Variants in DRICH1 observed in about 807,000 individuals in gnomAD.
The protein encoded by DRICH1 is aspartate rich 1.
Under a neutral mutation model 39.5 loss-of-function variants are expected in DRICH1, and 38 were observed. The observed-to-expected ratio is 0.96, with a 90% CI of 0.74 to 1.26. The LOEUF (loss-of-function observed/expected upper bound fraction) is 1.26, where lower values mean the gene tolerates loss of function less well. Ranked by LOEUF, DRICH1 falls within the 50% of genes most tolerant of loss-of-function variation. The pLI is 0.00. For missense variants in DRICH1, 279 were observed against 270.4 expected (o/e 1.03, Z -0.22); for synonymous variants, 84 against 99.5 (o/e 0.84, Z 0.93).
chr22:23,584,624 T>C, the DRICH1 span, among the ~76,000 whole-genome samples: 622 of 152,342 alleles, frequency 4.1e-3, 2 homozygotes, highest in African/African-American at 0.014. Flanking sequence ...GACATGAGGA[T>C]GATGATGTAC....
intron 1 of DRICH1, among the ~76,000 whole-genome samples, chr22:23,630,208 G>A (rs1928308735): frequency 6.6e-6 from 1 of 152,162 alleles, no homozygotes; most frequent in South Asian, 2.1e-4. Context: ...CTGATGGTGG[G>A]CAATGTTTGG....
chr22:23,609,821 G>A (rs1382012694), intron 11 of DRICH1, among the ~76,000 whole-genome samples: 1 of 152,082 alleles, frequency 6.6e-6, no homozygotes, highest in Admixed American at 6.6e-5. Flanking sequence ...CTCCTTTTCT[G>A]ACCCCATCTG....
chr22:23,619,246 A>G, intron 6 of DRICH1, 118 bp downstream of exon 6: 2 of 692,606 alleles, frequency 2.9e-6, no homozygotes, highest in East Asian at 5.4e-5. Context: ...TCAGCTGTCA[A>G]CATAAAGTTT....
chr22:23,609,557 A>AG (rs1926920799), intron 11 of DRICH1, among the ~76,000 whole-genome samples: 1 of 152,100 alleles, frequency 6.6e-6, no homozygotes, highest in Non-Finnish European at 1.5e-5. Flanking sequence ...CCCCCTGACC[A>AG]GGGGTACACC....
At chr22:23,618,113 CTTT>C (rs368348650) in intron 6 of DRICH1, among the ~76,000 whole-genome samples, 2 of 127,302 alleles carry the variant, frequency 1.6e-5, no homozygotes, top group African/African-American at 2.8e-5. Context: ...ATCACACATT[CTTT>C]TTTTTTTTTT....
downstream of DRICH1, among the ~76,000 whole-genome samples, chr22:23,605,452 A>C (rs1219015417): frequency 6.6e-6 from 1 of 152,116 alleles, no homozygotes; most frequent in Non-Finnish European, 1.5e-5. Context: ...GGAGCCCACC[A>C]CCTGGTGCTC....
At chr22:23,622,442 G>C (rs1005827001) in intron 3 of DRICH1, among the ~76,000 whole-genome samples, 3 of 152,038 alleles carry the variant, frequency 2.0e-5, no homozygotes, top group Non-Finnish European at 2.9e-5. Context: ...ATACACTAAG[G>C]GTCAATGGAA....
chr22:23,607,963 T>A (rs573256481), downstream of DRICH1, among the ~76,000 whole-genome samples: 1 of 152,178 alleles, frequency 6.6e-6, no homozygotes, highest in African/African-American at 2.4e-5. Context: ...ACTGCTGAGG[T>A]GGGGAAACCC....
intron 3 of DRICH1, among the ~76,000 whole-genome samples, chr22:23,623,714 T>C (rs1196444460): frequency 6.6e-6 from 1 of 152,182 alleles, no homozygotes; most frequent in African/African-American, 2.4e-5. Context: ...AAAAGAATAG[T>C]GTTGGTGGAT....
the DRICH1 span, among the ~76,000 whole-genome samples, chr22:23,585,823 T>C: frequency 1.3e-5 from 2 of 152,342 alleles, no homozygotes; most frequent in African/African-American, 4.8e-5. Flanking sequence ...TGCCCGGCCA[T>C]ATATTGGTTA....
chr22:23,585,855 T>C, the DRICH1 span, among the ~76,000 whole-genome samples: 154 of 152,336 alleles, frequency 1.0e-3, no homozygotes, highest in Admixed American at 3.8e-3. Context: ...TTTAACTGTA[T>C]GTATTTAGGG....
At chr22:23,590,997 C>T in the DRICH1 span, among the ~76,000 whole-genome samples, 106 of 152,316 alleles carry the variant, frequency 7.0e-4, no homozygotes, top group Non-Finnish European at 1.3e-3. Context: ...GTGCCCTGCA[C>T]TCGGAGCATG....
intron 6 of DRICH1, among the ~76,000 whole-genome samples, 156 bp from the exon 7 acceptor site, chr22:23,617,813 A>C (rs1469546890): frequency 1.3e-5 from 2 of 152,166 alleles, no homozygotes; most frequent in African/African-American, 4.8e-5. Flanking sequence ...AGCAGGCATG[A>C]GGCATGGAGG....
chr22:23,625,872 T>C (rs2123792345), intron 2 of DRICH1, 109 bp downstream of exon 2: 1 of 831,336 alleles, frequency 1.2e-6, no homozygotes, highest in East Asian at 2.4e-5. Flanking sequence ...AGTCTTACTT[T>C]TGCTGTTCTG....
intron 2 of DRICH1, 96 bp downstream of exon 2, chr22:23,625,885 G>T: frequency 1.1e-6 from 1 of 929,070 alleles, no homozygotes; most frequent in Non-Finnish European, 1.7e-6. Flanking sequence ...CTGTTCTGCA[G>T]GCCTCTGAGT....
rs1447565561 is a variant in DRICH1, at chr22:23,613,235, GA to G, written c.685+53del. ...CCTCACAAGCAACAGGGATAACCTG[GA>G]GGCTCCTGGGAACCTTTTCCCATTG... On this transcript the variant is annotated intron_variant, in intron 11 of 11. Coordinates refer to ENST00000317749, the MANE Select transcript of DRICH1 (RefSeq NM_016449.4). 6 of 1,377,758 alleles carry G rather than the reference GA, an allele frequency of 4.4e-6. No individual in the cohort carries two copies. The Admixed American group carries it at 1.0e-4, about 23-fold the overall frequency. 85.3% of individuals were successfully genotyped at this position (1,377,758 alleles called of 1,614,324 possible).
chr22:23,623,398 C>T (rs1927884275), intron 3 of DRICH1, among the ~76,000 whole-genome samples: 5 of 151,838 alleles, frequency 3.3e-5, no homozygotes, highest in Admixed American at 3.3e-4. Context: ...AGTGAGACTC[C>T]ATCTCAAAAA....
At chr22:23,618,404 G>A (rs553424179) in intron 6 of DRICH1, among the ~76,000 whole-genome samples, 10 of 151,860 alleles carry the variant, frequency 6.6e-5, no homozygotes, top group South Asian at 4.2e-4. Context: ...GTGAGCCACC[G>A]CACCCAGCTG....
chr22:23,607,541 G>A (rs1029938791), downstream of DRICH1, among the ~76,000 whole-genome samples: 1 of 149,856 alleles, frequency 6.7e-6, no homozygotes. Context: ...GCGGGGGCGG[G>A]GGGGGGCCTC....
Sources: allele counts gnomAD v4.1 joint callset (sites outside exome capture counted in the v4.1 genomes callset), GRCh38; gene constraint gnomAD v4.1.1; transcripts MANE v1.5; gene names NCBI Gene and HGNC (gene_info 2026-07-23, HGNC 2026-07-21).